ARMC3: variants seen among roughly 807,000 people sequenced by gnomAD.
ARMC3 encodes armadillo repeat containing 3.
Under a neutral mutation model 90.3 loss-of-function variants are expected in ARMC3, and 74 were observed. The ratio of observed to expected loss-of-function variants is 0.82; its 90% CI spans 0.68 to 0.99. The LOEUF is 0.99. Ranked by LOEUF, ARMC3 falls within the 50% of genes least tolerant of loss-of-function variation. The probability of loss-of-function intolerance (pLI) is 0.00; values close to 1 mark genes in which losing one functional copy is unlikely to be tolerated. For missense variants in ARMC3, 958 were observed against 1,042.8 expected (o/e 0.92, Z 1.12); for synonymous variants, 334 against 361.8 (o/e 0.92, Z 0.87).
At position 22,998,266 on chromosome 10, in the gene ARMC3, C is replaced by T. The variant is rs763504461; in HGVS notation, c.1294C>T (p.Arg432Cys). 4 of 1,612,074 alleles carry T rather than the reference C, an allele frequency of 2.5e-6. No individual in the cohort carries two copies. Among genetic ancestry groups the T allele is most frequent in the Admixed American group, 3.4e-5 (2 of 59,700 alleles). Residue 432 changes from arginine to cysteine, a missense_variant, in exon 11 of 19, where the codon CGC becomes TGC. Physicochemically the swap from Arg to Cys is radical, Grantham distance 180. Coordinates refer to ENST00000298032, the MANE Select transcript of ARMC3 (RefSeq NM_173081.5). The part of the protein sequence containing the change: ...LTNMAMQEPL[R>C]LNIQNHDIMH... Reference sequence around the variant, plus strand: ...AAACATGGCCATGCAGGAGCCCCTGCGCCTGAACATACAGAATCACGACAT... The same window carrying T: ...AAACATGGCCATGCAGGAGCCCCTGTGCCTGAACATACAGAATCACGACAT...
At chr10:22,985,197 T>A (rs1259625819) in intron 10 of ARMC3, among the ~76,000 whole-genome samples, 11 of 151,906 alleles carry the variant, frequency 7.2e-5, no homozygotes, top group Admixed American at 7.2e-4. Flanking sequence ...GTGAGCTCCC[T>A]CTCAGCCTTT....
At chr10:23,033,129 C>G in intron 18 of ARMC3, 106 bp downstream of exon 18, 1 of 1,085,778 alleles carries the variant, frequency 9.2e-7, no homozygotes, top group Admixed American at 2.6e-5. Flanking sequence ...ATTAATTCTA[C>G]CATTTAGATT....
At chr10:22,977,712 G>T (rs775923137) in intron 8 of ARMC3, among the ~76,000 whole-genome samples, 2 of 152,232 alleles carry the variant, frequency 1.3e-5, no homozygotes, top group African/African-American at 4.8e-5. Flanking sequence ...AGTGAATGCA[G>T]AGGTGGTTTA....
At position 23,008,360 on chromosome 10, in the gene ARMC3, TAAAGA is replaced by T. The variant is rs1175340535; in HGVS notation, c.1921_1925del (p.Lys641GlnfsTer4). 2.0e-6 allele frequency: 3 copies of T among 1,472,158 alleles called. No homozygotes were observed. Among genetic ancestry groups the T allele is most frequent in the Non-Finnish European group, 2.8e-6 (3 of 1,071,146 alleles). The allele number at this position is 1,472,158 out of a possible 1,614,324, so 91.2% of individuals were successfully genotyped here. On this transcript the variant is annotated frameshift_variant, in exon 15 of 19. Coordinates refer to ENST00000298032, the MANE Select transcript of ARMC3 (RefSeq NM_173081.5). Reference sequence around the variant, plus strand: ...CTTCATCTTCCTTAAGAAGATCAAGTAAAGAAAAGAACAAGTAAGAAAATGATGTT... The same window carrying T: ...CTTCATCTTCCTTAAGAAGATCAAGTAAAGAACAAGTAAGAAAATGATGTT...
chr10:22,976,594 TTC>T (rs1283133143), intron 8 of ARMC3, among the ~76,000 whole-genome samples: 3 of 152,202 alleles, frequency 2.0e-5, no homozygotes, highest in Non-Finnish European at 4.4e-5. Flanking sequence ...TAAACTTGCC[TTC>T]TGTTTTATGT....
At position 22,963,554 on chromosome 10, in the gene ARMC3, A is replaced by C. The variant is rs549476325; in HGVS notation, c.732+1476A>C. On this transcript the variant is annotated intron_variant, in intron 7 of 18. Coordinates refer to ENST00000298032, the MANE Select transcript of ARMC3 (RefSeq NM_173081.5). ...ATTCAGCATTGTCCTGGAAGTTGGA[A>C]CCGGGGCAATAAGCCCAAATAAATA... Among the ~76,000 whole-genome samples the C allele has an allele frequency of 9.2e-5, 14 of 152,172 alleles. No individual in the cohort carries two copies. The South Asian group carries it at 2.9e-3, about 32-fold the overall frequency.
At chr10:23,034,138 CTTTCCTATTCCCTTGGA>C (rs1170057126) in intron 18 of ARMC3, among the ~76,000 whole-genome samples, 2 of 151,994 alleles carry the variant, frequency 1.3e-5, no homozygotes, top group African/African-American at 2.4e-5. Flanking sequence ...TTCCTATTCC[CTTTCCTATTCCCTTGGA>C]TTTCCTATTC....
chr10:23,028,377 A>C lies in ARMC3; in HGVS notation c.2046-2219A>C, dbSNP rs369208556. On this transcript the variant is annotated intron_variant, in intron 16 of 18. Coordinates refer to ENST00000298032, the MANE Select transcript of ARMC3 (RefSeq NM_173081.5). Reference sequence around the variant, plus strand: ...TAAGATTTTTATACTTCATTTCAAGAGTATTTGATCTTACTTCTTGAAGCA... The same window carrying C: ...TAAGATTTTTATACTTCATTTCAAGCGTATTTGATCTTACTTCTTGAAGCA... Among the ~76,000 whole-genome samples the C allele has an allele frequency of 9.1e-3, 1,370 of 150,394 alleles. 22 individuals are homozygous for C. Among genetic ancestry groups the C allele is most frequent in the African/African-American group, 0.031 (1,298 of 41,214 alleles).
At chr10:23,030,451 T>G (rs1006223136) in intron 16 of ARMC3, 145 bp from the exon 17 acceptor site, 5 of 1,386,094 alleles carry the variant, frequency 3.6e-6, no homozygotes, top group Non-Finnish European at 3.8e-6. Context: ...AATCCACATA[T>G]AAGTGGATCC....
intron 8 of ARMC3, among the ~76,000 whole-genome samples, chr10:22,970,114 G>C (rs550279412): frequency 6.6e-6 from 1 of 152,284 alleles, no homozygotes; most frequent in East Asian, 1.9e-4. Context: ...TGTTCAAAGT[G>C]ATTAATGATG....
At chr10:22,961,760 G>A in intron 6 of ARMC3, 124 bp from the exon 7 acceptor site, 1 of 740,868 alleles carries the variant, frequency 1.3e-6, no homozygotes, top group Non-Finnish European at 2.1e-6. Context: ...TATTTTGGAA[G>A]GGAATCTGGA....
chr10:22,998,188 C>G lies in ARMC3; in HGVS notation c.1216C>G (p.Leu406Val), dbSNP rs758733859. 7.4e-6 allele frequency: 12 copies of G among 1,613,734 alleles called. No homozygotes were observed. The South Asian group carries it at 9.9e-5, about 13-fold the overall frequency. Reference sequence around the variant, plus strand: ...TGATGGTATTGATCCATTAATAAACCTCCTGTCTAGTAAACGAGATGGAGC... The same window carrying G: ...TGATGGTATTGATCCATTAATAAACGTCCTGTCTAGTAAACGAGATGGAGC... ...EADGIDPLIN[L>V]LSSKRDGAIA... Residue 406 changes from leucine to valine, a missense_variant, in exon 11 of 19, where the codon CTC becomes GTC. Leu to Val is a conservative substitution (Grantham distance 32, BLOSUM62 1). Coordinates refer to ENST00000298032, the MANE Select transcript of ARMC3 (RefSeq NM_173081.5).
intron 3 of ARMC3, among the ~76,000 whole-genome samples, chr10:22,954,674 GAAAAAAA>G (rs530210965): frequency 3.4e-4 from 30 of 89,092 alleles, no homozygotes; most frequent in Admixed American, 2.0e-3. Flanking sequence ...CCTGTCTCAA[GAAAAAAA>G]AAAAAAAGAA....
chr10:22,928,905 T>C (rs903121660), intron 1 of ARMC3, among the ~76,000 whole-genome samples: 6 of 152,204 alleles, frequency 3.9e-5, no homozygotes, highest in South Asian at 2.1e-4. Context: ...GGGATAGAAG[T>C]TGAGGCAGGA....
intron 7 of ARMC3, among the ~76,000 whole-genome samples, chr10:22,966,913 T>G (rs1351299448): frequency 1.3e-5 from 2 of 151,946 alleles, no homozygotes; most frequent in African/African-American, 2.4e-5. Flanking sequence ...GGGGATTATG[T>G]TACTTAATTT....
intron 3 of ARMC3, among the ~76,000 whole-genome samples, chr10:22,952,130 A>AAAACAAAAAAC (rs1032138486): frequency 2.6e-5 from 4 of 152,150 alleles, no homozygotes; most frequent in African/African-American, 9.7e-5. Context: ...TCTCAAAACA[A>AAAACAAAAAAC]AAACAAAAAA....
At chr10:22,987,328 T>C (rs929099011) in intron 10 of ARMC3, among the ~76,000 whole-genome samples, 3 of 152,218 alleles carry the variant, frequency 2.0e-5, no homozygotes, top group African/African-American at 4.8e-5. Context: ...TTTAAACTAT[T>C]ACTTTATAAC....
intron 5 of ARMC3, 28 bp from the exon 6 acceptor site, chr10:22,959,371 A>G (rs1317557999): frequency 6.3e-7 from 1 of 1,575,042 alleles, no homozygotes; most frequent in South Asian, 1.2e-5. Flanking sequence ...CAGTTGGCAT[A>G]CTTGTGTTAT....
chr10:23,008,775 T>C, intron 15 of ARMC3, 40 bp from the exon 16 acceptor site: 1 of 1,510,374 alleles, frequency 6.6e-7, no homozygotes, highest in Non-Finnish European at 9.2e-7. Flanking sequence ...TTGTTTTCCA[T>C]ATGATTGAAA....
Sources: gnomAD v4.1 joint callset for allele counts (sites outside exome capture counted in the v4.1 genomes callset) on GRCh38, gnomAD v4.1.1 for gene constraint, MANE v1.5 for transcripts, NCBI Gene and HGNC (gene_info 2026-07-23, HGNC 2026-07-21) for gene names.